Variants in FAM91A1 observed in about 807,000 individuals in gnomAD.
The protein encoded by FAM91A1 is protein FAM91A1.
A neutral mutation model predicts 113.5 loss-of-function variants in FAM91A1; 41 were observed. The ratio of observed to expected loss-of-function variants is 0.36; its 90% CI spans 0.28 to 0.47. The LOEUF (loss-of-function observed/expected upper bound fraction) is 0.47, where lower values mean the gene tolerates loss of function less well. FAM91A1 is among the 20% of genes least tolerant of loss of function. The pLI is 1.00. For missense variants in FAM91A1, 696 were observed against 1,001.2 expected (o/e 0.70, Z 4.11); for synonymous variants, 307 against 347.9 (o/e 0.88, Z 1.31).
At chr8:123,785,915 T>C (rs536424928) in intron 11 of FAM91A1, 174 bp downstream of exon 11, 3 of 489,758 alleles carry the variant, frequency 6.1e-6, no homozygotes, top group Non-Finnish European at 7.4e-6. Flanking sequence ...CCTCCCCGTT[T>C]CAAGCGATTT....
intron 8 of FAM91A1, among the ~76,000 whole-genome samples, chr8:123,781,273 A>G (rs1815113049): frequency 6.6e-6 from 1 of 152,150 alleles, no homozygotes; most frequent in South Asian, 2.1e-4. Context: ...ATATTTGTGT[A>G]ATCAAATATA....
intron 20 of FAM91A1, among the ~76,000 whole-genome samples, chr8:123,806,532 C>G (rs1263703859): frequency 6.6e-6 from 1 of 152,160 alleles, no homozygotes; most frequent in African/African-American, 2.4e-5. Context: ...ACTCAAGTCT[C>G]TTTATACAAG....
chr8:123,787,166 G>T (rs115885804), intron 12 of FAM91A1, 95 bp from the exon 13 acceptor site: 27,890 of 926,772 alleles, frequency 0.03, 511 homozygotes, highest in African/African-American at 0.043. Flanking sequence ...GTACTTTCTG[G>T]TTATCAAATA....
Position 123,813,402 on chromosome 8 carries a change from A to G in FAM91A1, c.*698A>G, listed in dbSNP as rs1381093845. ...CATTTATATGTGGACTTCTGTTGTCACTGACTTTGGGCTTTATATTTTCAT... is the reference window on the plus strand; with the variant it reads ...CATTTATATGTGGACTTCTGTTGTCGCTGACTTTGGGCTTTATATTTTCAT... On this transcript the variant is annotated 3_prime_UTR_variant, in exon 24 of 24. Coordinates refer to ENST00000334705, the MANE Select transcript of FAM91A1 (RefSeq NM_144963.4). 1 of 152,606 alleles carries G rather than the reference A, an allele frequency of 6.6e-6. No homozygotes were observed. The highest frequency in any genetic ancestry group is 1.9e-4 in the East Asian group (1 of 5,196). 9.5% of individuals were successfully genotyped at this position (152,606 alleles called of 1,614,324 possible).
At chr8:123,782,291 C>T (rs996819869) in intron 8 of FAM91A1, among the ~76,000 whole-genome samples, 8 of 152,148 alleles carry the variant, frequency 5.3e-5, no homozygotes, top group African/African-American at 1.9e-4. Flanking sequence ...ACCATGTTAC[C>T]TCTTTGGCTG....
chr8:123,800,136 T>A (rs184377700), intron 18 of FAM91A1, among the ~76,000 whole-genome samples: 14 of 152,056 alleles, frequency 9.2e-5, no homozygotes, highest in East Asian at 3.8e-4. Context: ...TGATTTTTTT[T>A]ATTTTTTTTT....
At chr8:123,804,783 C>A (rs952657326) in intron 18 of FAM91A1, among the ~76,000 whole-genome samples, 1 of 152,162 alleles carries the variant, frequency 6.6e-6, no homozygotes, top group African/African-American at 2.4e-5. Context: ...GTTAACCAGT[C>A]CCCTGTTGGT....
intron 14 of FAM91A1, 86 bp from the exon 15 acceptor site, chr8:123,789,527 T>C (rs1815332989): frequency 6.4e-7 from 1 of 1,560,826 alleles, no homozygotes. Context: ...TTTTGAATAA[T>C]GTCTTATATC....
intron 1 of FAM91A1, among the ~76,000 whole-genome samples, chr8:123,770,797 T>C (rs1288012165): frequency 6.6e-6 from 1 of 152,252 alleles, no homozygotes; most frequent in African/African-American, 2.4e-5. Flanking sequence ...AGTATGTTTT[T>C]GTTTTTAAAA....
At chr8:123,771,852 T>C (rs1814848209) in intron 1 of FAM91A1, among the ~76,000 whole-genome samples, 1 of 152,208 alleles carries the variant, frequency 6.6e-6, no homozygotes, top group Non-Finnish European at 1.5e-5. Context: ...TTATAGCTAG[T>C]GTCTTATTCT....
intron 14 of FAM91A1, chr8:123,788,191 T>TC: frequency 1.0e-6 from 1 of 985,276 alleles, no homozygotes; most frequent in Non-Finnish European, 1.2e-6. Flanking sequence ...GCTCTCACTA[T>TC]CCCTTTTAGC....
At chr8:123,803,514 G>A (rs1459213672) in intron 18 of FAM91A1, among the ~76,000 whole-genome samples, 1 of 152,048 alleles carries the variant, frequency 6.6e-6, no homozygotes, top group Non-Finnish European at 1.5e-5. Flanking sequence ...TGTTGCCCAG[G>A]CTGGTCTCAA....
intron 19 of FAM91A1, 91 bp from the exon 20 acceptor site, chr8:123,805,989 G>C (rs961298149): frequency 6.9e-5 from 86 of 1,250,318 alleles, no homozygotes; most frequent in Admixed American, 2.7e-4. Flanking sequence ...TATAAAAGTA[G>C]TTCTAAGAGT....
chr8:123,802,009 A>G (rs892472468), intron 18 of FAM91A1, among the ~76,000 whole-genome samples: 1 of 152,126 alleles, frequency 6.6e-6, no homozygotes, highest in Non-Finnish European at 1.5e-5. Context: ...CTGGAGAAGT[A>G]GGCTGGCCCT....
chr8:123,798,439 A>G (rs906776285), intron 16 of FAM91A1, among the ~76,000 whole-genome samples: 1 of 152,250 alleles, frequency 6.6e-6, no homozygotes, highest in Non-Finnish European at 1.5e-5. Context: ...GTGACTTGTG[A>G]CACATTAGAT....
At chr8:123,802,785 C>T (rs1324853383) in intron 18 of FAM91A1, among the ~76,000 whole-genome samples, 2 of 152,172 alleles carry the variant, frequency 1.3e-5, no homozygotes, top group African/African-American at 4.8e-5. Flanking sequence ...TTGGTTCCAT[C>T]ATTTACTAGT....
chr8:123,774,083 C>G lies in FAM91A1; in HGVS notation c.76C>G (p.Leu26Val). ...ATCTTTTTGAAATTTCTCCTAGAGTCTTGGAAATTCACAGAGAGAATATGA... is the reference window on the plus strand; with the variant it reads ...ATCTTTTTGAAATTTCTCCTAGAGTGTTGGAAATTCACAGAGAGAATATGA... ...NKLPANVRQS[L>V]GNSQREYEKQ... Residue 26 changes from leucine to valine, a missense_variant, in exon 2 of 24, where the codon CTT becomes GTT. Transcript: ENST00000334705. 6.2e-7 allele frequency: 1 copy of G among 1,605,206 alleles called. No individual in the cohort carries two copies. The highest frequency in any genetic ancestry group is 8.5e-7 in the Non-Finnish European group (1 of 1,176,392).
intron 1 of FAM91A1, among the ~76,000 whole-genome samples, chr8:123,771,623 A>T (rs1405640846): frequency 3.3e-5 from 5 of 152,208 alleles, no homozygotes. Flanking sequence ...TCTGTAGTTT[A>T]CCACTATCTT....
chr8:123,812,412 A>AAAAATG, intron 23 of FAM91A1, 107 bp from the exon 24 acceptor site: 1 of 952,814 alleles, frequency 1.0e-6, no homozygotes, highest in South Asian at 1.8e-5. Flanking sequence ...CTGCTTTGCA[A>AAAAATG]TCCATAAACA....
Sources: gnomAD v4.1 joint callset for allele counts (sites outside exome capture counted in the v4.1 genomes callset) on GRCh38, gnomAD v4.1.1 for gene constraint, MANE v1.5 for transcripts, NCBI Gene and HGNC (gene_info 2026-07-23, HGNC 2026-07-21) for gene names.